The following XYLT1 variants were observed in gnomAD, a reference collection of about 807,000 sequenced individuals.
The protein encoded by XYLT1 is xylosyltransferase 1.
Under a neutral mutation model 91.3 loss-of-function variants are expected in XYLT1, and 36 were observed. That is an observed-to-expected ratio of 0.39 (90% CI 0.30 to 0.52). The LOEUF is 0.52. Ranked by LOEUF, XYLT1 falls within the 20% of genes least tolerant of loss-of-function variation. The pLI is 0.68. For missense variants in XYLT1, 1,242 were observed against 1,284.5 expected, an observed-to-expected ratio of 0.97 and a Z score of 0.51; for synonymous variants, 588 against 532.0, an observed-to-expected ratio of 1.11 and a Z score of -1.45.
intron 3 of XYLT1, among the ~76,000 whole-genome samples, chr16:17,213,083 G>T (rs781217922): frequency 2.4e-4 from 36 of 152,166 alleles, no homozygotes; most frequent in Non-Finnish European, 4.1e-4. Flanking sequence ...GTTGGAGGTG[G>T]GACCTGGTGG....
rs772373605 is a variant in XYLT1, at chr16:17,138,442, C to T, written c.1677G>A (p.Leu559=). The change falls in exon 8 of 12, where the codon CTG becomes CTA. Residue 559 remains leucine, a synonymous_variant. Coordinates refer to ENST00000261381, the MANE Select transcript of XYLT1 (RefSeq NM_022166.4). ...NLRITNWNRK[L]GCKCQYKHIV... Reference sequence around the variant, plus strand: ...TGTGCTTGTACTGGCACTTGCAGCCCAGCTTGCGATTCCAGTTGGTGATGC... The same window carrying T: ...TGTGCTTGTACTGGCACTTGCAGCCTAGCTTGCGATTCCAGTTGGTGATGC... 4 of 1,614,150 alleles carry T rather than the reference C, an allele frequency of 2.5e-6. No homozygotes were observed. The highest frequency in any genetic ancestry group is 2.5e-6 in the Non-Finnish European group (3 of 1,180,020).
intron 3 of XYLT1, among the ~76,000 whole-genome samples, chr16:17,253,513 A>G (rs1279560963): frequency 6.6e-6 from 1 of 152,092 alleles, no homozygotes; most frequent in Non-Finnish European, 1.5e-5. Context: ...TTTTTGAACA[A>G]CTGTGGAGCA....
chr16:17,168,208 T>C (rs9937570), intron 5 of XYLT1, among the ~76,000 whole-genome samples: 91,981 of 152,070 alleles, frequency 0.6, 29,281 homozygotes, highest in East Asian at 0.74. Context: ...CCGTTAATGG[T>C]GAACTGGATA....
intron 11 of XYLT1, among the ~76,000 whole-genome samples, chr16:17,112,269 C>T (rs1031451825): frequency 6.6e-6 from 1 of 152,140 alleles, no homozygotes; most frequent in Non-Finnish European, 1.5e-5. Flanking sequence ...TAGAAAATTA[C>T]TCTTGATGAA....
chr16:17,326,332 T>G (rs1030367724), intron 2 of XYLT1, among the ~76,000 whole-genome samples: 2 of 152,190 alleles, frequency 1.3e-5, no homozygotes, highest in Non-Finnish European at 2.9e-5. Context: ...CCCCATCCCG[T>G]GGTAACCATT....
chr16:17,272,969 G>A (rs969854804), intron 2 of XYLT1, among the ~76,000 whole-genome samples: 6 of 152,170 alleles, frequency 3.9e-5, no homozygotes, highest in Non-Finnish European at 8.8e-5. Flanking sequence ...ATGATTGGGG[G>A]ATGCTGTTGG....
chr16:17,458,195 C>T (rs1368073283), intron 1 of XYLT1, among the ~76,000 whole-genome samples: 1 of 152,116 alleles, frequency 6.6e-6, no homozygotes, highest in East Asian at 1.9e-4. Flanking sequence ...TAGTTGTCTC[C>T]GATGCCCTTT....
At chr16:17,360,927 C>T (rs2035373577) in intron 1 of XYLT1, among the ~76,000 whole-genome samples, 1 of 152,178 alleles carries the variant, frequency 6.6e-6, no homozygotes, top group African/African-American at 2.4e-5. Flanking sequence ...AACCATGGAA[C>T]CGCCTACAAC....
intron 3 of XYLT1, among the ~76,000 whole-genome samples, chr16:17,246,010 A>G (rs2033430413): frequency 6.6e-6 from 1 of 152,230 alleles, no homozygotes; most frequent in East Asian, 1.9e-4. Context: ...ATTGAGCACA[A>G]GGAGCAAATG....
At chr16:17,372,228 G>C (rs2035544502) in intron 1 of XYLT1, among the ~76,000 whole-genome samples, 1 of 152,236 alleles carries the variant, frequency 6.6e-6, no homozygotes, top group Admixed American at 6.5e-5. Flanking sequence ...AAATATTACA[G>C]TTGTTCTGAT....
At chr16:17,296,532 A>AAATTAGAC (rs1188448729) in intron 2 of XYLT1, among the ~76,000 whole-genome samples, 1 of 152,170 alleles carries the variant, frequency 6.6e-6, no homozygotes, top group Non-Finnish European at 1.5e-5. Flanking sequence ...AGGGGACAGG[A>AAATTAGAC]AATTAGACGT....
intron 3 of XYLT1, among the ~76,000 whole-genome samples, chr16:17,221,663 T>C (rs926456752): frequency 6.6e-6 from 1 of 152,128 alleles, no homozygotes; most frequent in Non-Finnish European, 1.5e-5. Flanking sequence ...CGCTTGAGCC[T>C]GGGAGGTTAA....
At chr16:17,202,363 GAGACA>G (rs1309576787) in intron 3 of XYLT1, among the ~76,000 whole-genome samples, 3 of 152,172 alleles carry the variant, frequency 2.0e-5, no homozygotes, top group South Asian at 2.1e-4. Context: ...GTAGTTCCAG[GAGACA>G]AGACAAGATT....
At chr16:17,183,496 A>G (rs566257376) in intron 5 of XYLT1, among the ~76,000 whole-genome samples, 1 of 152,304 alleles carries the variant, frequency 6.6e-6, no homozygotes, top group East Asian at 1.9e-4. Context: ...AGAAGCATGC[A>G]TTTAAATCCT....
At chr16:17,200,337 C>T (rs573841976) in intron 4 of XYLT1, 145 bp downstream of exon 4, 12 of 972,856 alleles carry the variant, frequency 1.2e-5, no homozygotes, top group Admixed American at 7.3e-5. Context: ...TAGGGCCACA[C>T]GCTCTGTGGA....
In XYLT1 at chr16:17,235,003, A is replaced by G. The variant is rs1483172059; in HGVS notation, c.913+23985T>C. On this transcript the variant is annotated intron_variant, in intron 3 of 11. Coordinates refer to ENST00000261381, the MANE Select transcript of XYLT1 (RefSeq NM_022166.4). ...TCTACATTTTTATTAATTTGGTGTCATCTGTCTCCTGGTTATTTTAATCAT... is the reference window on the plus strand; with the variant it reads ...TCTACATTTTTATTAATTTGGTGTCGTCTGTCTCCTGGTTATTTTAATCAT... Among the ~76,000 whole-genome samples, 4 of 152,046 alleles carry G rather than the reference A, an allele frequency of 2.6e-5. No homozygotes were observed. The East Asian group carries it at 7.7e-4, about 29-fold the overall frequency.
chr16:17,258,472 G>A (rs983689507), intron 3 of XYLT1, among the ~76,000 whole-genome samples: 1 of 151,800 alleles, frequency 6.6e-6, no homozygotes, highest in Non-Finnish European at 1.5e-5. Context: ...ATAAAGGAAT[G>A]AGAAGGAAAG....
chr16:17,460,334 G>A (rs1323052282), intron 1 of XYLT1, among the ~76,000 whole-genome samples: 2 of 152,202 alleles, frequency 1.3e-5, no homozygotes, highest in Non-Finnish European at 2.9e-5. Flanking sequence ...TCAAATTGCG[G>A]AATGCATGAT....
rs558126304 is a variant in XYLT1 at position 17,273,741 on chromosome 16, G to A, written c.403-14243C>T. Among the ~76,000 whole-genome samples the A allele has an allele frequency of 2.6e-5, 4 of 151,624 alleles. No individual in the cohort carries two copies. In the East Asian group the frequency reaches 7.9e-4, roughly 30 times the overall value. On this transcript the variant is annotated intron_variant, in intron 2 of 11. Coordinates refer to ENST00000261381, the MANE Select transcript of XYLT1 (RefSeq NM_022166.4). ...TGCCTGTAATCCCACCTACTCGGGA[G>A]GCTGAGGCAGAAGGATCGCTTGAAC...
Sources: allele counts gnomAD v4.1 joint callset (sites outside exome capture counted in the v4.1 genomes callset), GRCh38; gene constraint gnomAD v4.1.1; transcripts MANE v1.5; gene names NCBI Gene and HGNC (gene_info 2026-07-23, HGNC 2026-07-21).